The following OR2L13 variants were observed in gnomAD, a reference collection of about 807,000 sequenced individuals.
OR2L13 encodes the protein olfactory receptor family 2 subfamily L member 13.
OR2L13 carries 14 observed loss-of-function variants against 15.3 expected under a neutral mutation model. That is an observed-to-expected ratio of 0.91 (90% CI 0.60 to 1.43). The LOEUF is 1.43. Ranked by LOEUF, OR2L13 falls within the 40% of genes most tolerant of loss-of-function variation. The probability of loss-of-function intolerance (pLI) is 0.00; values close to 1 mark genes in which losing one functional copy is unlikely to be tolerated. For missense variants in OR2L13, 367 were observed against 387.9 expected (o/e 0.95, Z 0.45); for synonymous variants, 152 against 142.9 (o/e 1.06, Z -0.45).
chr1:247,953,389 A>G, the OR2L13 span, among the ~76,000 whole-genome samples: 15 of 152,146 alleles, frequency 9.9e-5, no homozygotes, highest in Non-Finnish European at 1.8e-4. Flanking sequence ...ATCTATGTGG[A>G]TTTCATAACA....
chr1:247,982,567 T>C, the OR2L13 span, among the ~76,000 whole-genome samples: 297 of 152,360 alleles, frequency 1.9e-3, 1 homozygote, highest in African/African-American at 6.7e-3. Context: ...ATGCTGAATA[T>C]GTAGATCCTC....
chr1:247,958,137 T>A, the OR2L13 span, among the ~76,000 whole-genome samples: 2 of 152,200 alleles, frequency 1.3e-5, no homozygotes. Context: ...TTCTGGTATG[T>A]TGTGTCTTTG....
At chr1:248,013,032 G>C in the OR2L13 span, among the ~76,000 whole-genome samples, 1 of 151,574 alleles carries the variant, frequency 6.6e-6, no homozygotes. Context: ...ATTTTCATAA[G>C]AGAAAATTGT....
At chr1:247,940,739 T>TGC in the OR2L13 span, among the ~76,000 whole-genome samples, 2 of 150,632 alleles carry the variant, frequency 1.3e-5, no homozygotes, top group African/African-American at 4.9e-5. Flanking sequence ...TGCGTGTGTG[T>TGC]GTGTGTGTGT....
At chr1:248,073,490 C>T in the OR2L13 span, among the ~76,000 whole-genome samples, 14 of 147,930 alleles carry the variant, frequency 9.5e-5, 1 homozygote, top group South Asian at 2.6e-3. Flanking sequence ...GTGGGGGGAG[C>T]GGGGAGGGAT....
At chr1:247,941,396 A>T in the OR2L13 span, among the ~76,000 whole-genome samples, 61 of 152,318 alleles carry the variant, frequency 4.0e-4, no homozygotes, top group Admixed American at 2.6e-3. Flanking sequence ...AGATATATAA[A>T]GAATGGTGAA....
the OR2L13 span, chr1:247,948,785 T>C: frequency 7.8e-7 from 1 of 1,286,346 alleles, no homozygotes; most frequent in Non-Finnish European, 1.1e-6. Context: ...ATGCATCCCC[T>C]GCAGATAAGG....
chr1:248,037,366 A>G, the OR2L13 span, among the ~76,000 whole-genome samples: 1 of 152,154 alleles, frequency 6.6e-6, no homozygotes, highest in Non-Finnish European at 1.5e-5. Flanking sequence ...CAGAAAAAGT[A>G]ATGCTAATTT....
the OR2L13 span, among the ~76,000 whole-genome samples, chr1:247,977,690 C>T: frequency 1.3e-5 from 2 of 152,174 alleles, no homozygotes; most frequent in South Asian, 2.1e-4. Context: ...TCAGGTAGCC[C>T]TTCTCACAGG....
the OR2L13 span, among the ~76,000 whole-genome samples, chr1:248,074,947 T>C: frequency 2.6e-5 from 4 of 152,308 alleles, no homozygotes; most frequent in East Asian, 7.7e-4. Context: ...TAGGTATACA[T>C]GTGCCATGTT....
chr1:247,991,071 A>T, the OR2L13 span: 1 of 1,583,054 alleles, frequency 6.3e-7, no homozygotes, highest in Non-Finnish European at 8.7e-7. Context: ...GATCTCCGAC[A>T]GAGGACAAGG....
At chr1:248,019,440 A>G in the OR2L13 span, among the ~76,000 whole-genome samples, 1,526 of 152,290 alleles carry the variant, frequency 0.01, 27 homozygotes, top group African/African-American at 0.035. Flanking sequence ...AAGCCTCTCA[A>G]TCATTTTCCA....
At chr1:247,945,986 T>C in the OR2L13 span, among the ~76,000 whole-genome samples, 3 of 152,196 alleles carry the variant, frequency 2.0e-5, no homozygotes, top group East Asian at 5.8e-4. Context: ...TAAATAAATA[T>C]GTAGGATGCA....
the OR2L13 span, among the ~76,000 whole-genome samples, chr1:247,988,805 T>G: frequency 6.6e-6 from 1 of 152,198 alleles, no homozygotes; most frequent in Non-Finnish European, 1.5e-5. Context: ...TTTAAGTGAA[T>G]GTTCATTTCT....
At chr1:248,083,677 C>T in the OR2L13 span, 1 of 1,589,016 alleles carries the variant, frequency 6.3e-7, no homozygotes, top group Non-Finnish European at 8.6e-7. Context: ...TTCAGGTTTA[C>T]ACATGTCCCC....
chr1:248,080,623 CTG>C, the OR2L13 span, among the ~76,000 whole-genome samples: 3 of 152,164 alleles, frequency 2.0e-5, no homozygotes, highest in African/African-American at 7.2e-5. Context: ...TTTCTAATGG[CTG>C]TATAGTCTTT....
the OR2L13 span, among the ~76,000 whole-genome samples, chr1:248,071,283 C>G: frequency 1.2e-4 from 18 of 152,168 alleles, no homozygotes; most frequent in African/African-American, 4.1e-4. Flanking sequence ...CCACCATGAT[C>G]AAGTGGGCTT....
chr1:248,017,352 G>T, the OR2L13 span, among the ~76,000 whole-genome samples: 2 of 152,112 alleles, frequency 1.3e-5, no homozygotes, highest in Admixed American at 1.3e-4. Flanking sequence ...TAAAGACAGG[G>T]ATCTAATTTT....
the OR2L13 span, among the ~76,000 whole-genome samples, chr1:247,953,679 T>C: frequency 3.8e-3 from 572 of 152,302 alleles, 6 homozygotes; most frequent in African/African-American, 0.013. Flanking sequence ...AGAGGTTATC[T>C]GACCTGTCTT....
Sources: allele counts gnomAD v4.1 joint callset (sites outside exome capture counted in the v4.1 genomes callset), GRCh38; gene constraint gnomAD v4.1.1; transcripts MANE v1.5; gene names NCBI Gene and HGNC (gene_info 2026-07-23, HGNC 2026-07-21).